Variants in SFXN5 observed in about 807,000 individuals in gnomAD.
The protein encoded by SFXN5 is sideroflexin 5, also known as sideroflexin-5.
SFXN5 carries 43 observed loss-of-function variants against 50.2 expected under a neutral mutation model. The observed-to-expected ratio is 0.86, with a 90% CI of 0.67 to 1.11. SFXN5 has a LOEUF of 1.11. Ranked by LOEUF, SFXN5 falls within the 50% of genes least tolerant of loss-of-function variation. The pLI, the probability that SFXN5 is intolerant of heterozygous loss-of-function variation, is 0.00. For synonymous variants in SFXN5, 203 were observed against 185.8 expected (o/e 1.09, Z -0.75); for missense variants, 463 against 454.1 (o/e 1.02, Z -0.18).
chr2:73,058,334 A>G, intron 2 of SFXN5, 194 bp downstream of exon 2: 1 of 542,702 alleles, frequency 1.8e-6, no homozygotes, highest in Non-Finnish European at 3.3e-6. Context: ...ACAATGTATC[A>G]ACTCAGATAC....
intron 10 of SFXN5, among the ~76,000 whole-genome samples, chr2:72,984,494 T>C (rs1183484135): frequency 6.6e-6 from 1 of 152,212 alleles, no homozygotes; most frequent in Non-Finnish European, 1.5e-5. Flanking sequence ...GGGCTTGAAA[T>C]AGCCCTGGGC....
chr2:72,981,176 A>G (rs1671262057), intron 10 of SFXN5: 1 of 151,592 alleles, frequency 6.6e-6, no homozygotes, highest in Admixed American at 6.6e-5. Context: ...AGATCCTGTC[A>G]CTCTTATGGC....
At chr2:73,037,357 G>T (rs1047578627) in intron 3 of SFXN5, among the ~76,000 whole-genome samples, 1 of 152,144 alleles carries the variant, frequency 6.6e-6, no homozygotes, top group Non-Finnish European at 1.5e-5. Context: ...CTATCCCCCA[G>T]GCCCTACCCT....
At chr2:73,067,924 T>A (rs956899224) in intron 1 of SFXN5, among the ~76,000 whole-genome samples, 1 of 152,214 alleles carries the variant, frequency 6.6e-6, no homozygotes, top group Admixed American at 6.5e-5. Context: ...TTGGAGATCA[T>A]TGCACCTGCT....
intron 13 of SFXN5, among the ~76,000 whole-genome samples, chr2:72,956,712 G>A (rs1341966148): frequency 6.6e-6 from 1 of 152,106 alleles, no homozygotes. Flanking sequence ...ACCACAGCCA[G>A]GTAGCCCCCT....
chr2:72,945,109 G>A lies in SFXN5; in HGVS notation c.946-10C>T. 1 of 1,613,022 alleles carries A rather than the reference G, an allele frequency of 6.2e-7. No individual in the cohort carries two copies. The highest frequency in any genetic ancestry group is 2.2e-5 in the East Asian group (1 of 44,870). ...ATTGGGATGTTTCAATCTGTGGAGA[G>A]AGAACAGAGAGGAAAAGTGGGGGAG... On this transcript the variant is annotated splice_polypyrimidine_tract_variant and intron_variant, in intron 13 of 13. Coordinates refer to ENST00000272433, the MANE Select transcript of SFXN5 (RefSeq NM_144579.3). The surrounding 1 kb of genome is among the most constrained non-coding windows in gnomAD (Gnocchi z 5.8).
At chr2:73,007,960 G>GC (rs1199965824) in intron 6 of SFXN5, among the ~76,000 whole-genome samples, 2 of 152,212 alleles carry the variant, frequency 1.3e-5, no homozygotes, top group Non-Finnish European at 2.9e-5. Flanking sequence ...TGTGTGGTGA[G>GC]CTAGGTCAAC....
chr2:73,066,753 C>A (rs1411508375), intron 1 of SFXN5, among the ~76,000 whole-genome samples: 2 of 151,856 alleles, frequency 1.3e-5, no homozygotes, highest in Non-Finnish European at 2.9e-5. Context: ...TAAATCCCAG[C>A]ACTTTGGGAG....
intron 12 of SFXN5, among the ~76,000 whole-genome samples, chr2:72,963,866 G>A (rs1037510877): frequency 2.6e-5 from 4 of 152,152 alleles, no homozygotes; most frequent in African/African-American, 9.7e-5. Flanking sequence ...TGCAGGGAGG[G>A]TGTCAAGTGT....
In SFXN5 at chr2:72,945,607, T is replaced by TCCGA. The variant is rs1346280461; in HGVS notation, c.946-512_946-509dup. 1.4e-4 allele frequency among the ~76,000 whole-genome samples: 22 copies of TCCGA among 151,934 alleles called. No individual in the cohort carries two copies. Among genetic ancestry groups the TCCGA allele is most frequent in the African/African-American group, 5.1e-4 (21 of 41,338 alleles). ...AGACCTAAGCGCCCACACTCCACAC[T>TCCGA]CCGACCACTCAGTCTTTACATCTTC... On this transcript the variant is annotated intron_variant, in intron 13 of 13. Coordinates refer to ENST00000272433, the MANE Select transcript of SFXN5 (RefSeq NM_144579.3). The surrounding 1 kb of genome is among the most constrained non-coding windows in gnomAD (Gnocchi z 5.8).
At chr2:73,027,773 C>T (rs1002341335) in intron 3 of SFXN5, among the ~76,000 whole-genome samples, 6 of 152,178 alleles carry the variant, frequency 3.9e-5, no homozygotes, top group Non-Finnish European at 8.8e-5. Context: ...AATCCTCCCA[C>T]CTCAGCCTCC....
intron 2 of SFXN5, among the ~76,000 whole-genome samples, chr2:73,047,298 A>AT (rs1394689911): frequency 0.038 from 3,767 of 98,948 alleles, 144 homozygotes; most frequent in East Asian, 0.083. Context: ...ATATATATAT[A>AT]AAATATATAT....
intron 4 of SFXN5, among the ~76,000 whole-genome samples, chr2:73,022,843 C>A (rs895629168): frequency 6.6e-6 from 1 of 152,210 alleles, no homozygotes; most frequent in African/African-American, 2.4e-5. Context: ...AAGCTGAATG[C>A]AGTGGAGAGC....
intron 13 of SFXN5, among the ~76,000 whole-genome samples, chr2:72,951,794 G>T (rs1323883337): frequency 6.6e-6 from 1 of 152,184 alleles, no homozygotes; most frequent in Non-Finnish European, 1.5e-5. Context: ...AGAGGTCTGG[G>T]CTTCTGAGGG....
At chr2:73,030,842 T>C (rs865986101) in intron 3 of SFXN5, among the ~76,000 whole-genome samples, 6 of 152,204 alleles carry the variant, frequency 3.9e-5, no homozygotes, top group Non-Finnish European at 7.3e-5. Context: ...AGAAAAAGGA[T>C]AAATTATACA....
At chr2:73,052,624 T>G (rs1681522622) in intron 2 of SFXN5, among the ~76,000 whole-genome samples, 1 of 152,190 alleles carries the variant, frequency 6.6e-6, no homozygotes, top group South Asian at 2.1e-4. Context: ...ATGCCCTTCA[T>G]GATGATAATC....
In SFXN5 at chr2:72,973,857, G is replaced by A. The variant is rs1670313177; in HGVS notation, c.626-2172C>T. On this transcript the variant is annotated intron_variant, in intron 10 of 13. Transcript: ENST00000272433. This position sits in a 1 kb window ranked among gnomAD's most constrained non-coding sequence, Gnocchi z 5.5. ...GCTGCCAGGCTTTCGGTTCCCAGGAGACCTAAGAAAACCGTTGAGAGGACA... is the reference window on the plus strand; with the variant it reads ...GCTGCCAGGCTTTCGGTTCCCAGGAAACCTAAGAAAACCGTTGAGAGGACA... Among the ~76,000 whole-genome samples, 1 of 152,200 alleles carries A rather than the reference G, an allele frequency of 6.6e-6. No homozygotes were observed. The highest frequency in any genetic ancestry group is 2.4e-5 in the African/African-American group (1 of 41,446).
In SFXN5 at chr2:72,961,211, G is replaced by C; in HGVS notation, c.865C>G (p.Pro289Ala). 6.5e-7 allele frequency: 1 copy of C among 1,548,170 alleles called. No individual in the cohort carries two copies. Among genetic ancestry groups the C allele is most frequent in the Non-Finnish European group, 8.7e-7 (1 of 1,153,986 alleles). Residue 289 changes from proline (P) to alanine (A), a missense_variant, in exon 13 of 14, where the codon CCT becomes GCT. By Grantham distance (27) the Pro-to-Ala change is conservative. Coordinates refer to ENST00000272433, the MANE Select transcript of SFXN5 (RefSeq NM_144579.3). This position sits in a 1 kb window ranked among gnomAD's most constrained non-coding sequence, Gnocchi z 4.4. Reference protein sequence around the residue: ...LLQARPRLLLPVQSLVCLAAF... With the variant: ...LLQARPRLLLAVQSLVCLAAF... ...GCCAGGCACACGAGGCTTTGCACAG[G>C]GAGGAGCAGCCGGGGGCGTGCCTGC...
chr2:73,048,685 T>C (rs1680833206), intron 2 of SFXN5, among the ~76,000 whole-genome samples: 1 of 152,248 alleles, frequency 6.6e-6, no homozygotes, highest in East Asian at 1.9e-4. Context: ...CGTCAGTTTC[T>C]TTTCAATTGT....
Sources: gnomAD v4.1 joint callset for allele counts (sites outside exome capture counted in the v4.1 genomes callset) on GRCh38, gnomAD v4.1.1 for gene constraint, Gnocchi (gnomAD v3.1) non-coding constraint, MANE v1.5 for transcripts, NCBI Gene and HGNC (gene_info 2026-07-23, HGNC 2026-07-21) for gene names.